Variants in LAMP2 observed in about 807,000 individuals in gnomAD.
LAMP2 encodes the protein lysosome-associated membrane glycoprotein 2.
Under a neutral mutation model 25.6 loss-of-function variants are expected in LAMP2, and 4 were observed. The ratio of observed to expected loss-of-function variants is 0.16; its 90% confidence interval spans 0.08 to 0.36. The LOEUF is 0.36. Ranked by LOEUF, LAMP2 falls within the 10% of genes least tolerant of loss-of-function variation. LAMP2 has a pLI of 1.00. For missense variants in LAMP2, 272 were observed against 301.4 expected, an observed-to-expected ratio of 0.90 and a Z score of 0.72; for synonymous variants, 108 against 112.7, an observed-to-expected ratio of 0.96 and a Z score of 0.27.
intron 1 of LAMP2, among the ~76,000 whole-genome samples, chrX:120,468,751 C>G (rs1194927993): frequency 9.0e-6 from 1 of 111,018 alleles, no homozygotes; most frequent in Non-Finnish European, 1.9e-5. Flanking sequence ...TCCTAATTGT[C>G]TCTGGCGCCC....
At chrX:120,469,074 G>C in intron 1 of LAMP2, 32 bp downstream of exon 1, 1 of 1,196,366 alleles carries the variant, frequency 8.4e-7, no homozygotes, top group Non-Finnish European at 1.1e-6. Flanking sequence ...GGCCCAGGCG[G>C]ACAGACTAAT....
Position 120,456,755 on chromosome X carries a change from A to G in LAMP2, c.79T>C (p.Tyr27His). ...TCTGTCAAATTAAGTTCCAATGCATAAGACCGCACAGCTCCTGGATTCATT... is the reference window on the plus strand; with the variant it reads ...TCTGTCAAATTAAGTTCCAATGCATGAGACCGCACAGCTCCTGGATTCATT... Reference protein sequence around the residue: ...VCLVLGAVRSYALELNLTDSE... With the variant: ...VCLVLGAVRSHALELNLTDSE... The change falls in exon 2 of 9, where the codon TAT becomes CAT. Residue 27 changes from tyrosine (Y) to histidine (H), a missense_variant. Coordinates refer to ENST00000200639, the MANE Select transcript of LAMP2 (RefSeq NM_002294.3). 8.9e-7 allele frequency: 1 copy of G among 1,118,204 alleles called. No homozygotes were observed. The allele number at this position is 1,118,204 out of a possible 1,213,427, so 92.2% of individuals were successfully genotyped here.
At chrX:120,466,840 C>CTTT (rs916102893) in intron 1 of LAMP2, among the ~76,000 whole-genome samples, 4 of 81,488 alleles carry the variant, frequency 4.9e-5, no homozygotes, top group African/African-American at 1.7e-4. Context: ...CAAATAACTT[C>CTTT]TTTTTTTTTT....
intron 1 of LAMP2, among the ~76,000 whole-genome samples, chrX:120,465,232 C>A (rs903924645): frequency 1.3e-4 from 14 of 109,585 alleles, no homozygotes; most frequent in Non-Finnish European, 2.5e-4. Flanking sequence ...AGGCTCCTAC[C>A]AGTAACATAC....
intron 3 of LAMP2, among the ~76,000 whole-genome samples, chrX:120,450,876 ATATG>A (rs2147283935): frequency 9.1e-6 from 1 of 109,666 alleles, no homozygotes; most frequent in South Asian, 3.8e-4. Context: ...TTATATATAT[ATATG>A]TATATGTAGA....
At chrX:120,442,505 T>A (rs1210370364) in intron 7 of LAMP2, 94 bp downstream of exon 7, 1 of 727,781 alleles carries the variant, frequency 1.4e-6, no homozygotes, top group African/African-American at 2.1e-5. Context: ...TTCTGTTTCA[T>A]TAAATAAGGC....
At chrX:120,451,644 T>G (rs916299175) in intron 3 of LAMP2, among the ~76,000 whole-genome samples, 4 of 111,024 alleles carry the variant, frequency 3.6e-5, no homozygotes, top group Admixed American at 1.9e-4. Context: ...TTTTGTATTT[T>G]TAGTAGAGAC....
rs148242561 is a variant in LAMP2, at chrX:120,448,276, C to A, written c.557-251G>T. On this transcript the variant is annotated intron_variant, in intron 4 of 8. Transcript: ENST00000200639. Reference sequence around the variant, plus strand: ...CATCCCTATGCTTTATCTGCTCCCACATGGCCACATACTCGTCTTTTTCAG... The same window carrying A: ...CATCCCTATGCTTTATCTGCTCCCAAATGGCCACATACTCGTCTTTTTCAG... Among the ~76,000 whole-genome samples, 1,294 of 112,325 alleles carry A rather than the reference C, an allele frequency of 0.012. 13 individuals are homozygous for A. The highest frequency in any genetic ancestry group is 0.018 in the Non-Finnish European group (954 of 53,271).
chrX:120,451,348 C>T (rs780089111), intron 3 of LAMP2, among the ~76,000 whole-genome samples: 21 of 112,435 alleles, frequency 1.9e-4, no homozygotes, highest in Non-Finnish European at 1.9e-4. Context: ...GACAGAATGT[C>T]GCTATGTTGC....
At position 120,429,563 on chromosome X, in the gene LAMP2, C is replaced by T. The variant is rs2058514386; in HGVS notation, c.*1760G>A. On this transcript the variant is annotated 3_prime_UTR_variant, in exon 9 of 9. Transcript: ENST00000200639. ...GAGGATTAGGTTTTGAAGTAGCAAA[C>T]AGAGATTAAAATAGAAGTGTTTTGG... The T allele has an allele frequency of 4.0e-6, 3 of 749,718 alleles. No individual in the cohort carries two copies. The highest frequency in any genetic ancestry group is 4.7e-6 in the Non-Finnish European group (3 of 636,097). The allele number at this position is 749,718 out of a possible 1,213,427, so 61.8% of individuals were successfully genotyped here. A position where few individuals can be genotyped will look rare whatever the true frequency, so the allele number is the denominator to read the frequency against.
intron 1 of LAMP2, among the ~76,000 whole-genome samples, chrX:120,466,518 T>C (rs991689106): frequency 2.7e-5 from 3 of 111,418 alleles, no homozygotes; most frequent in African/African-American, 6.5e-5. Context: ...CAATTAAGTA[T>C]TCAAGCAAAG....
intron 2 of LAMP2, 102 bp from the exon 3 acceptor site, chrX:120,455,672 A>G: frequency 1.5e-6 from 1 of 650,390 alleles, no homozygotes; most frequent in Non-Finnish European, 2.5e-6. Flanking sequence ...TACATTCTCC[A>G]TGGCCAGGTT....
intron 1 of LAMP2, among the ~76,000 whole-genome samples, chrX:120,463,917 T>G (rs772383954): frequency 9.5e-6 from 1 of 104,927 alleles, no homozygotes; most frequent in South Asian, 3.8e-4. Context: ...TGTTTTTCGT[T>G]TTTTTTTTGT....
chrX:120,448,214 A>G (rs2058606746), intron 4 of LAMP2, among the ~76,000 whole-genome samples, 189 bp from the exon 5 acceptor site: 1 of 112,393 alleles, frequency 8.9e-6, no homozygotes, highest in Non-Finnish European at 1.9e-5. Context: ...CATATACAGA[A>G]TATCTACATG....
At chrX:120,439,249 T>C in intron 8 of LAMP2, 1 of 1,209,731 alleles carries the variant, frequency 8.3e-7, no homozygotes, top group Non-Finnish European at 1.1e-6. Context: ...GCACCAACTA[T>C]AATTGGGATT....
chrX:120,438,875 C>A, intron 8 of LAMP2: 1 of 869,160 alleles, frequency 1.2e-6, no homozygotes, highest in Non-Finnish European at 1.4e-6. Flanking sequence ...AATGAAAACA[C>A]TGAAATACTA....
At chrX:120,454,963 T>G (rs2058638843) in intron 3 of LAMP2, among the ~76,000 whole-genome samples, 1 of 72,688 alleles carries the variant, frequency 1.4e-5, no homozygotes, top group Non-Finnish European at 2.7e-5. Flanking sequence ...ACACACACAC[T>G]AGGATATATA....
Position 120,439,876 on chromosome X carries a change from G to A in LAMP2, c.1093+1854C>T, listed in dbSNP as rs183207528. Among the ~76,000 whole-genome samples the A allele has an allele frequency of 2.0e-3, 217 of 111,053 alleles. 1 individual carries two copies. The highest frequency in any genetic ancestry group is 6.8e-3 in the African/African-American group (208 of 30,616). ...TTTGGGAAAGTGGAAACAGGATCAGGAAGGTATCATGTGATGAGAATAGCC... is the reference window on the plus strand; with the variant it reads ...TTTGGGAAAGTGGAAACAGGATCAGAAAGGTATCATGTGATGAGAATAGCC... On this transcript the variant is annotated intron_variant, in intron 8 of 8. Coordinates refer to ENST00000200639, the MANE Select transcript of LAMP2 (RefSeq NM_002294.3).
At chrX:120,467,291 C>T (rs2147293569) in intron 1 of LAMP2, among the ~76,000 whole-genome samples, 1 of 112,116 alleles carries the variant, frequency 8.9e-6, no homozygotes, top group African/African-American at 3.2e-5. Flanking sequence ...GCACCATTGA[C>T]ATTTTCAGGG....
Sources: allele counts gnomAD v4.1 joint callset (sites outside exome capture counted in the v4.1 genomes callset), GRCh38; gene constraint gnomAD v4.1.1; transcripts MANE v1.5; gene names NCBI Gene and HGNC (gene_info 2026-07-23, HGNC 2026-07-21).